Variants in C10orf90 observed in about 807,000 individuals in gnomAD.
C10orf90 encodes the protein chromosome 10 open reading frame 90.
In C10orf90, 56 loss-of-function variants were observed where a neutral mutation model predicts 62.5. The observed-to-expected ratio is 0.90, with a 90% CI of 0.72 to 1.12. The LOEUF is 1.12. Ranked by LOEUF, C10orf90 falls within the 50% of genes most tolerant of loss-of-function variation. The probability of loss-of-function intolerance (pLI) is 0.00; values close to 1 mark genes in which losing one functional copy is unlikely to be tolerated. For synonymous variants in C10orf90, 386 were observed against 340.4 expected (o/e 1.13, Z -1.47); for missense variants, 970 against 880.4 (o/e 1.10, Z -1.29).
intron 2 of C10orf90, among the ~76,000 whole-genome samples, chr10:126,532,565 C>T (rs528865293): frequency 2.0e-5 from 3 of 151,954 alleles, no homozygotes; most frequent in East Asian, 2.0e-4. Context: ...TGGCCGGGCG[C>T]GGTGGCTCAC....
chr10:126,609,195 G>A (rs569163390), intron 2 of C10orf90, among the ~76,000 whole-genome samples: 1 of 152,304 alleles, frequency 6.6e-6, no homozygotes, highest in South Asian at 2.1e-4. Context: ...CTGAGGTCAG[G>A]AGTTTAAGAC....
intron 2 of C10orf90, among the ~76,000 whole-genome samples, chr10:126,566,945 G>A (rs1844405093): frequency 6.6e-6 from 1 of 152,218 alleles, no homozygotes; most frequent in African/African-American, 2.4e-5. Context: ...AGATTTGGGG[G>A]CAAGAGGAGA....
intron 4 of C10orf90, among the ~76,000 whole-genome samples, chr10:126,487,615 T>C (rs1861508757): frequency 6.6e-6 from 1 of 152,180 alleles, no homozygotes; most frequent in Non-Finnish European, 1.5e-5. Flanking sequence ...AAGATGTTTT[T>C]AGGATTTCCA....
chr10:126,641,869 C>A (rs1049693952), intron 2 of C10orf90, among the ~76,000 whole-genome samples: 1 of 152,148 alleles, frequency 6.6e-6, no homozygotes, highest in East Asian at 1.9e-4. Context: ...AAAGGCCCTG[C>A]CAGGAGGACA....
intron 2 of C10orf90, among the ~76,000 whole-genome samples, chr10:126,530,058 G>T (rs1029287006): frequency 6.6e-6 from 1 of 152,096 alleles, no homozygotes; most frequent in Non-Finnish European, 1.5e-5. Flanking sequence ...CATTTGCACT[G>T]GGATATATAA....
At chr10:126,545,229 G>A (rs1864464746) in intron 2 of C10orf90, among the ~76,000 whole-genome samples, 1 of 152,086 alleles carries the variant, frequency 6.6e-6, no homozygotes, top group Admixed American at 6.5e-5. Context: ...TGGGACCCAT[G>A]CAAAAGGAGG....
intron 2 of C10orf90, among the ~76,000 whole-genome samples, chr10:126,527,900 AG>A (rs1327878326): frequency 6.6e-6 from 1 of 152,216 alleles, no homozygotes; most frequent in East Asian, 1.9e-4. Context: ...CAGCCAGAAA[AG>A]TCTCTGCCCT....
At chr10:126,510,208 A>G (rs1487299100) in intron 3 of C10orf90, among the ~76,000 whole-genome samples, 1 of 152,140 alleles carries the variant, frequency 6.6e-6, no homozygotes, top group Non-Finnish European at 1.5e-5. Context: ...ACTTCAACAT[A>G]TAAATTTAGT....
At chr10:126,614,438 G>A (rs1845499382) in intron 2 of C10orf90, among the ~76,000 whole-genome samples, 1 of 152,068 alleles carries the variant, frequency 6.6e-6, no homozygotes, top group Non-Finnish European at 1.5e-5. Context: ...TTAGAGAAAA[G>A]CATTAAAAAA....
At chr10:126,487,401 A>G (rs1434321171) in intron 4 of C10orf90, among the ~76,000 whole-genome samples, 3 of 152,212 alleles carry the variant, frequency 2.0e-5, no homozygotes, top group Non-Finnish European at 2.9e-5. Context: ...GAAGATCTCA[A>G]AAACAGCCAG....
intron 2 of C10orf90, among the ~76,000 whole-genome samples, chr10:126,604,761 C>A (rs1236165195): frequency 6.6e-6 from 1 of 152,190 alleles, no homozygotes; most frequent in Non-Finnish European, 1.5e-5. Flanking sequence ...CAAGTTCCAC[C>A]AAGCTTGAAT....
chr10:126,635,947 T>C (rs1183204712), intron 2 of C10orf90, among the ~76,000 whole-genome samples: 1 of 152,182 alleles, frequency 6.6e-6, no homozygotes, highest in Non-Finnish European at 1.5e-5. Context: ...CACAATATTA[T>C]TCAGGAGCTC....
intron 4 of C10orf90, among the ~76,000 whole-genome samples, chr10:126,468,151 C>T (rs561613786): frequency 6.6e-6 from 1 of 151,956 alleles, no homozygotes; most frequent in South Asian, 2.1e-4. Context: ...TCACTGCAAC[C>T]TCCGCCTTCC....
At chr10:126,490,477 C>T (rs1432848345) in intron 4 of C10orf90, among the ~76,000 whole-genome samples, 1 of 151,280 alleles carries the variant, frequency 6.6e-6, no homozygotes, top group Non-Finnish European at 1.5e-5. Context: ...GTGGTGGCTT[C>T]CAGGGAATGG....
In C10orf90 at chr10:126,445,770, C is replaced by T. The variant is rs1352508599; in HGVS notation, c.2188+13270G>A. Among the ~76,000 whole-genome samples, 7 of 148,634 alleles carry T rather than the reference C, an allele frequency of 4.7e-5. No individual in the cohort carries two copies. The South Asian group carries it at 1.1e-3, about 23-fold the overall frequency. ...CAAAATCATGGAACCAACCCAAATG[C>T]CCATCAATTAATGAGTAGATAAAGA... is the stretch of plus-strand genomic sequence containing the variant. On this transcript the variant is annotated intron_variant, in intron 7 of 9. Coordinates refer to ENST00000488181, the MANE Select transcript of C10orf90 (RefSeq NM_001350921.2).
chr10:126,631,063 C>T (rs1485814840), intron 2 of C10orf90, among the ~76,000 whole-genome samples: 1 of 152,188 alleles, frequency 6.6e-6, no homozygotes, highest in East Asian at 1.9e-4. Context: ...ATTTTGTCTT[C>T]CATTTCTTAA....
intron 1 of C10orf90, among the ~76,000 whole-genome samples, chr10:126,654,604 G>A (rs1049286053): frequency 6.6e-6 from 1 of 152,142 alleles, no homozygotes; most frequent in African/African-American, 2.4e-5. Flanking sequence ...TATCATTCCT[G>A]TGTTCACTGG....
chr10:126,592,367 T>C (rs1844998422), intron 2 of C10orf90, among the ~76,000 whole-genome samples: 2 of 152,024 alleles, frequency 1.3e-5, no homozygotes, highest in Admixed American at 1.3e-4. Context: ...TGGAACAGAA[T>C]AGAAAACTCA....
intron 2 of C10orf90, among the ~76,000 whole-genome samples, chr10:126,616,751 T>G (rs1324895515): frequency 6.6e-6 from 1 of 152,206 alleles, no homozygotes; most frequent in Non-Finnish European, 1.5e-5. Flanking sequence ...CTTGTGGCAA[T>G]TCATGCCACT....
Sources: gnomAD v4.1 joint callset for allele counts (sites outside exome capture counted in the v4.1 genomes callset) on GRCh38, gnomAD v4.1.1 for gene constraint, MANE v1.5 for transcripts, NCBI Gene and HGNC (gene_info 2026-07-23, HGNC 2026-07-21) for gene names.